Variants in FAAH2 observed in about 807,000 individuals in gnomAD.
FAAH2 encodes the protein fatty-acid amide hydrolase 2.
A neutral mutation model predicts 36.9 loss-of-function variants in FAAH2; 60 were observed. The observed-to-expected ratio is 1.63, with a 90% CI of 1.32 to 2.02. FAAH2 has a LOEUF of 2.02. FAAH2 is among the 30% of genes most tolerant of loss of function. FAAH2 has a pLI of 0.00. For synonymous variants in FAAH2, 214 were observed against 143.8 expected (o/e 1.49, Z -3.49); for missense variants, 689 against 397.5 (o/e 1.73, Z -6.23).
chrX:57,272,161 G>A, the FAAH2 span, among the ~76,000 whole-genome samples: 1 of 105,452 alleles, frequency 9.5e-6, no homozygotes, highest in African/African-American at 3.5e-5. Flanking sequence ...AGTGATTGAA[G>A]ACCAACTTAA....
chrX:57,241,182 C>A, the FAAH2 span, among the ~76,000 whole-genome samples: 2,855 of 111,685 alleles, frequency 0.026, 83 homozygotes, highest in African/African-American at 0.089. Flanking sequence ...CTTCTTTACA[C>A]CAAATGCAAA....
At chrX:57,263,176 T>C in the FAAH2 span, among the ~76,000 whole-genome samples, 3 of 111,770 alleles carry the variant, frequency 2.7e-5, no homozygotes, top group East Asian at 5.6e-4. Context: ...TAGTTGAAGT[T>C]GACATGATTG....
chrX:57,154,670 C>T, the FAAH2 span, among the ~76,000 whole-genome samples: 3 of 111,085 alleles, frequency 2.7e-5, no homozygotes, highest in East Asian at 5.6e-4. Context: ...AAATTGTTTT[C>T]AGGCAATTCA....
the FAAH2 span, among the ~76,000 whole-genome samples, chrX:57,206,725 C>G: frequency 2.2e-3 from 245 of 112,036 alleles, no homozygotes; most frequent in Non-Finnish European, 3.9e-3. Context: ...AAATCAATGA[C>G]TATTAAAGGC....
At chrX:57,431,869 T>C in intron 7 of FAAH2, 49 bp from the exon 8 acceptor site, 4 of 1,074,112 alleles carry the variant, frequency 3.7e-6, no homozygotes, top group South Asian at 4.9e-5. Context: ...TTCAGTAGTA[T>C]CTCCTCTTCT....
chrX:57,459,365 C>A (rs1183234058), intron 10 of FAAH2, among the ~76,000 whole-genome samples: 1 of 112,220 alleles, frequency 8.9e-6, no homozygotes, highest in Non-Finnish European at 1.9e-5. Context: ...CTCCCTGGGG[C>A]AGAGCACCTG....
intron 10 of FAAH2, among the ~76,000 whole-genome samples, chrX:57,462,689 CA>C (rs1465005961): frequency 8.9e-6 from 1 of 112,357 alleles, no homozygotes; most frequent in Non-Finnish European, 1.9e-5. Context: ...ATGATAAACC[CA>C]TAGCCAATAT....
intron 1 of FAAH2, among the ~76,000 whole-genome samples, chrX:57,289,759 C>T (rs979349228): frequency 1.0e-4 from 11 of 110,412 alleles, no homozygotes; most frequent in East Asian, 5.7e-4. Flanking sequence ...AATTATGTTA[C>T]GTGGTAAAAA....
In FAAH2 at chrX:57,460,737, C is replaced by T. The variant is rs1367754750; in HGVS notation, c.1423+12019C>T. Among the ~76,000 whole-genome samples, 6 of 111,803 alleles carry T rather than the reference C, an allele frequency of 5.4e-5. 1 individual carries two copies. The Admixed American group carries it at 5.7e-4, about 11-fold the overall frequency. ...GACCAATGACACTATGAAGAAACAG[C>T]ATCAACTAACGTGCAAAATAACTAG... On this transcript the variant is annotated intron_variant, in intron 10 of 10. Coordinates refer to ENST00000374900, the MANE Select transcript of FAAH2 (RefSeq NM_174912.4).
the FAAH2 span, among the ~76,000 whole-genome samples, chrX:57,266,002 T>A: frequency 8.9e-6 from 1 of 111,970 alleles, no homozygotes; most frequent in Non-Finnish European, 1.9e-5. Context: ...TGGGCCGCCA[T>A]CTTTGCTGTT....
the FAAH2 span, among the ~76,000 whole-genome samples, chrX:57,183,261 A>T: frequency 8.9e-6 from 1 of 111,900 alleles, no homozygotes; most frequent in East Asian, 2.8e-4. Context: ...TTAAATAAGT[A>T]TTCTAAACTT....
chrX:57,271,708 G>A, the FAAH2 span, among the ~76,000 whole-genome samples: 1 of 110,959 alleles, frequency 9.0e-6, no homozygotes, highest in Non-Finnish European at 1.9e-5. Context: ...CAAACAGAAA[G>A]GAATAGCACA....
the FAAH2 span, among the ~76,000 whole-genome samples, chrX:57,154,352 C>T: frequency 9.4e-6 from 1 of 105,973 alleles, no homozygotes; most frequent in Non-Finnish European, 1.9e-5. Flanking sequence ...GCAACCTTTG[C>T]TCCCCAGTTC....
intron 2 of FAAH2, among the ~76,000 whole-genome samples, chrX:57,306,628 A>G (rs184381367): frequency 9.6e-6 from 1 of 104,407 alleles, no homozygotes; most frequent in Non-Finnish European, 2.0e-5. Flanking sequence ...CCTCTAGGGA[A>G]AGAGATAATT....
the FAAH2 span, among the ~76,000 whole-genome samples, chrX:57,153,606 T>C: frequency 8.9e-6 from 1 of 112,317 alleles, no homozygotes; most frequent in East Asian, 2.8e-4. Flanking sequence ...ACACTGTGTC[T>C]TTTCTTCAAT....
At chrX:57,196,166 A>G in the FAAH2 span, among the ~76,000 whole-genome samples, 1 of 112,120 alleles carries the variant, frequency 8.9e-6, no homozygotes, top group Admixed American at 9.5e-5. Context: ...TGGGAATTGC[A>G]TTGAATTTGT....
At chrX:57,352,151 C>CAT (rs1285246448) in intron 5 of FAAH2, among the ~76,000 whole-genome samples, 1 of 74,537 alleles carries the variant, frequency 1.3e-5, no homozygotes, top group African/African-American at 5.3e-5. Flanking sequence ...TATATATGCA[C>CAT]ATATATATAC....
At chrX:57,138,976 A>G in the FAAH2 span, among the ~76,000 whole-genome samples, 5 of 111,799 alleles carry the variant, frequency 4.5e-5, no homozygotes, top group African/African-American at 1.6e-4. Context: ...CGTCAGTTGA[A>G]TACTTTGTAA....
At chrX:57,205,523 T>A in the FAAH2 span, among the ~76,000 whole-genome samples, 1 of 112,276 alleles carries the variant, frequency 8.9e-6, no homozygotes, top group Admixed American at 9.4e-5. Flanking sequence ...GAATGAACCA[T>A]GTATGAAGAA....
Sources: allele counts gnomAD v4.1 joint callset (sites outside exome capture counted in the v4.1 genomes callset), GRCh38; gene constraint gnomAD v4.1.1; transcripts MANE v1.5; gene names NCBI Gene and HGNC (gene_info 2026-07-23, HGNC 2026-07-21).